CFAP52: variants seen among roughly 807,000 people sequenced by gnomAD.
The protein encoded by CFAP52 is cilia- and flagella-associated protein 52.
CFAP52 carries 57 observed loss-of-function variants against 70.5 expected under a neutral mutation model. That is an observed-to-expected ratio of 0.81 (90% CI 0.65 to 1.01). The LOEUF is 1.01. Among genes scored for constraint, CFAP52 ranks in the 50% least tolerant of loss-of-function variants. The pLI, the probability that CFAP52 is intolerant of heterozygous loss-of-function variation, is 0.00. For missense variants in CFAP52, 785 were observed against 788.5 expected, an observed-to-expected ratio of 1.00 and a Z score of 0.05; for synonymous variants, 267 against 292.5, an observed-to-expected ratio of 0.91 and a Z score of 0.89.
intron 4 of CFAP52, among the ~76,000 whole-genome samples, chr17:9,597,819 G>GAGAGAGAGAGAAAGAGAGAA (rs1271438614): frequency 1.3e-5 from 2 of 151,070 alleles, no homozygotes; most frequent in African/African-American, 4.9e-5. Flanking sequence ...GAGAGAGAGA[G>GAGAGAGAGAGAAAGAGAGAA]AGAGAGAGAG....
At chr17:9,608,472 GT>G (rs1909593133) in intron 7 of CFAP52, among the ~76,000 whole-genome samples, 3 of 152,174 alleles carry the variant, frequency 2.0e-5, no homozygotes, top group Non-Finnish European at 4.4e-5. Flanking sequence ...AAATACATAA[GT>G]TTGTATTTAG....
chr17:9,596,261 G>A (rs754782651), intron 4 of CFAP52, among the ~76,000 whole-genome samples: 18 of 150,946 alleles, frequency 1.2e-4, no homozygotes, highest in East Asian at 5.9e-4. Context: ...TGCCACGCCC[G>A]GCTAATTTTT....
intron 9 of CFAP52, 69 bp from the exon 10 acceptor site, chr17:9,632,819 G>C (rs1420024040): frequency 1.9e-6 from 3 of 1,564,974 alleles, no homozygotes; most frequent in Non-Finnish European, 2.6e-6. Flanking sequence ...TCCTTAGTGA[G>C]GCCAGCAGAC....
intron 8 of CFAP52, among the ~76,000 whole-genome samples, chr17:9,614,638 T>C (rs1483778418): frequency 6.6e-6 from 1 of 152,244 alleles, no homozygotes; most frequent in Admixed American, 6.5e-5. Context: ...AAAAAAGGAC[T>C]TCTGGGAAAA....
rs202132510 is a variant in CFAP52, at chr17:9,594,247, C to T, written c.462C>T (p.Ala154=). The part of the protein sequence containing the change: ...KRDAICGSPA[A]GLNVGNATNV... ...ATGCCATCTGTGGCAGCCCTGCAGCCGGCCTCAATGTTGGCAATGCCACCA... is the reference window on the plus strand; with the variant it reads ...ATGCCATCTGTGGCAGCCCTGCAGCTGGCCTCAATGTTGGCAATGCCACCA... Residue 154 remains alanine, a synonymous_variant, in exon 4 of 14, where the codon GCC becomes GCT. Transcript: ENST00000352665. 1.2e-4 allele frequency: 197 copies of T among 1,613,858 alleles called. No homozygotes were observed. The East Asian group carries it at 3.0e-3, about 25-fold the overall frequency.
Position 9,641,665 on chromosome 17 carries a change from T to C in CFAP52, c.1576-59T>C, listed in dbSNP as rs926125931. The C allele has an allele frequency of 2.0e-5, 25 of 1,248,410 alleles. No individual in the cohort carries two copies. The Admixed American group carries it at 4.1e-4, about 21-fold the overall frequency. The allele number at this position is 1,248,410 out of a possible 1,614,324, so 77.3% of individuals were successfully genotyped here. A position where few individuals can be genotyped will look rare whatever the true frequency, so the allele number is the denominator to read the frequency against. ...AAAGTAGAGCCATCTTTTGTTAGCA[T>C]GTGCATGGATGACTCTCCTGAGCTG... On this transcript the variant is annotated intron_variant, in intron 12 of 13. Coordinates refer to ENST00000352665, the MANE Select transcript of CFAP52 (RefSeq NM_145054.5).
intron 3 of CFAP52, 142 bp downstream of exon 3, chr17:9,586,976 C>A: frequency 2.0e-6 from 2 of 1,012,870 alleles, no homozygotes; most frequent in Non-Finnish European, 1.4e-6. Flanking sequence ...ACCAGGTGCT[C>A]AGCCTAGTAC....
intron 1 of CFAP52, chr17:9,584,475 C>G (rs1223845560): frequency 1.2e-6 from 1 of 818,068 alleles, no homozygotes; most frequent in African/African-American, 1.8e-5. Flanking sequence ...GTGTATAACA[C>G]AATGTGTTGA....
At position 9,584,375 on chromosome 17, in the gene CFAP52, G is replaced by A. The variant is rs182735297; in HGVS notation, c.71-1398G>A. ...CCCAGGCTCTTCAGAGCACCTGGTG[G>A]GCACTCAGAACTGAAACCGAAAGTT... On this transcript the variant is annotated intron_variant, in intron 1 of 13. Coordinates refer to ENST00000352665, the MANE Select transcript of CFAP52 (RefSeq NM_145054.5). 1.8e-3 allele frequency: 2,343 copies of A among 1,279,512 alleles called. 5 individuals carry two copies. Among genetic ancestry groups the A allele is most frequent in the Middle Eastern group, 6.9e-3 (32 of 4,634 alleles). The allele number at this position is 1,279,512 out of a possible 1,614,324, so 79.3% of individuals were successfully genotyped here.
At chr17:9,625,801 A>C (rs954212347) in intron 8 of CFAP52, among the ~76,000 whole-genome samples, 4 of 152,064 alleles carry the variant, frequency 2.6e-5, no homozygotes, top group Admixed American at 6.6e-5. Flanking sequence ...CAGTTTTTCT[A>C]ATTGTTATTT....
intron 10 of CFAP52, among the ~76,000 whole-genome samples, chr17:9,634,883 C>A (rs1910706132): frequency 6.6e-6 from 1 of 152,134 alleles, no homozygotes; most frequent in Non-Finnish European, 1.5e-5. Context: ...CTATGAATTT[C>A]ACTCCAGGAT....
chr17:9,641,789 G>A lies in CFAP52; in HGVS notation c.1641G>A (p.Ser547=), dbSNP rs143049274. 1,095 of 1,613,942 alleles carry A rather than the reference G, an allele frequency of 6.8e-4. 10 individuals carry two copies. In the South Asian group the frequency reaches 0.011, roughly 16 times the overall value. Residue 547 remains serine, a synonymous_variant, in exon 13 of 14, where the codon TCG becomes TCA. Coordinates refer to ENST00000352665, the MANE Select transcript of CFAP52 (RefSeq NM_145054.5). ...AATTGGAAGGTTCCCTGTCTGGGTCGATAAATGGCATGGATATCACACAGG... is the reference window on the plus strand; with the variant it reads ...AATTGGAAGGTTCCCTGTCTGGGTCAATAAATGGCATGGATATCACACAGG... The part of the protein sequence containing the change: ...IRELEGSLSG[S]INGMDITQEG...
chr17:9,615,792 ATTCTTTTTTTT>A, intron 8 of CFAP52, among the ~76,000 whole-genome samples: 1 of 88,338 alleles, frequency 1.1e-5, no homozygotes, highest in Non-Finnish European at 2.0e-5. Context: ...CAAAAAAAAA[ATTCTTTTTTTT>A]TTTTTTTTTT....
At chr17:9,623,583 A>C (rs1289344466) in intron 8 of CFAP52, among the ~76,000 whole-genome samples, 1 of 152,156 alleles carries the variant, frequency 6.6e-6, no homozygotes, top group Non-Finnish European at 1.5e-5. Flanking sequence ...TATATATTTG[A>C]CTATTTCTGA....
Position 9,630,031 on chromosome 17 carries a change from T to C in CFAP52, c.1174+1211T>C, listed in dbSNP as rs574708905. Among the ~76,000 whole-genome samples the C allele has an allele frequency of 4.6e-5, 7 of 152,068 alleles. No homozygotes were observed. The East Asian group carries it at 7.9e-4, about 17-fold the overall frequency. On this transcript the variant is annotated intron_variant, in intron 9 of 13. Coordinates refer to ENST00000352665, the MANE Select transcript of CFAP52 (RefSeq NM_145054.5). The stretch of plus-strand genomic sequence containing the variant: ...GCGAACACGGCTCAGGACAGAAATC[T>C]TGGAGTCCTCACTGCCTCCCCTTTT...
Position 9,638,090 on chromosome 17 carries a change from C to A in CFAP52, c.1473-519C>A, listed in dbSNP as rs190532950. On this transcript the variant is annotated intron_variant, in intron 11 of 13. Coordinates refer to ENST00000352665, the MANE Select transcript of CFAP52 (RefSeq NM_145054.5). ...AGGGTTGTGCATGATATGGTACGTC[C>A]AAACCTGTGTACAAATGTGTACATG... is the stretch of plus-strand genomic sequence containing the variant. Among the ~76,000 whole-genome samples, 465 of 152,318 alleles carry A rather than the reference C, an allele frequency of 3.1e-3. 1 individual carries two copies. The highest frequency in any genetic ancestry group is 7.7e-3 in the South Asian group (37 of 4,826).
At chr17:9,605,895 A>G (rs1909470871) in intron 6 of CFAP52, among the ~76,000 whole-genome samples, 1 of 152,052 alleles carries the variant, frequency 6.6e-6, no homozygotes, top group Non-Finnish European at 1.5e-5. Context: ...AATGTACACA[A>G]TGGATTTTGG....
At chr17:9,631,923 C>A (rs927955895) in intron 9 of CFAP52, among the ~76,000 whole-genome samples, 2 of 151,646 alleles carry the variant, frequency 1.3e-5, no homozygotes, top group Non-Finnish European at 2.9e-5. Flanking sequence ...ATGCTGCCAC[C>A]ATGCCCAGCT....
Position 9,608,215 on chromosome 17 carries a change from A to G in CFAP52, c.850A>G (p.Ile284Val), listed in dbSNP as rs1190588191. 4 of 1,604,252 alleles carry G rather than the reference A, an allele frequency of 2.5e-6. No individual in the cohort carries two copies. The African/African-American group carries it at 4.0e-5, about 16-fold the overall frequency. The part of the protein sequence containing the change: ...VFCKSPGYKP[I>V]KKIQLQGGIT... ...CTGTAAAAGCCCTGGCTACAAACCC[A>G]TCAAGTAAGTTCCGGGTCTCACACA... The change falls in exon 7 of 14, where the codon ATC (isoleucine) becomes GTC (valine). Residue 284 changes from isoleucine to valine, a missense_variant. Coordinates refer to ENST00000352665, the MANE Select transcript of CFAP52 (RefSeq NM_145054.5).
Sources: gnomAD v4.1 joint callset for allele counts (sites outside exome capture counted in the v4.1 genomes callset) on GRCh38, gnomAD v4.1.1 for gene constraint, MANE v1.5 for transcripts, NCBI Gene and HGNC (gene_info 2026-07-23, HGNC 2026-07-21) for gene names.